SORCS3: variants seen among roughly 807,000 people sequenced by gnomAD.
The protein encoded by SORCS3 is VPS10 domain-containing receptor SorCS3.
A neutral mutation model predicts 146.3 loss-of-function variants in SORCS3; 57 were observed. That is an observed-to-expected ratio of 0.39 (90% CI 0.31 to 0.49). The LOEUF (loss-of-function observed/expected upper bound fraction) is 0.49, where lower values mean the gene tolerates loss of function less well. Ranked by LOEUF, SORCS3 falls within the 20% of genes least tolerant of loss-of-function variation. The pLI, the probability that SORCS3 is intolerant of heterozygous loss-of-function variation, is 0.92. For missense variants in SORCS3, 1,341 were observed against 1,575.5 expected (o/e 0.85, Z 2.52); for synonymous variants, 653 against 618.5 (o/e 1.06, Z -0.83).
chr10:104,780,930 C>T (rs974914599), intron 1 of SORCS3, among the ~76,000 whole-genome samples: 2 of 152,192 alleles, frequency 1.3e-5, no homozygotes, highest in Admixed American at 1.3e-4. Flanking sequence ...GTTATTATTA[C>T]TATTTCCAGC....
At chr10:105,058,660 A>C (rs2133716158) in intron 5 of SORCS3, among the ~76,000 whole-genome samples, 1 of 152,256 alleles carries the variant, frequency 6.6e-6, no homozygotes, top group Admixed American at 6.5e-5. Context: ...TCTGGTTGCT[A>C]ATTCTACTCC....
intron 7 of SORCS3, among the ~76,000 whole-genome samples, chr10:105,115,190 G>A (rs1032513437): frequency 3.3e-5 from 5 of 152,100 alleles, no homozygotes; most frequent in African/African-American, 7.2e-5. Context: ...CAGGAAATAC[G>A]ACACAAGTCA....
rs1052930966 is a variant in SORCS3 at position 104,906,041 on chromosome 10, G to A, written c.696-9792G>A. 4.6e-5 allele frequency among the ~76,000 whole-genome samples: 7 copies of A among 152,144 alleles called. No individual in the cohort carries two copies. The East Asian group carries it at 7.7e-4, about 17-fold the overall frequency. ...ATTTATTCATGTTCCTTCATTGGGC[G>A]GCTGCACATTTTATCCTGGAGGTTT... On this transcript the variant is annotated intron_variant, in intron 2 of 26. Coordinates refer to ENST00000369701, the MANE Select transcript of SORCS3 (RefSeq NM_014978.3).
At chr10:104,986,482 A>G (rs1434026539) in intron 4 of SORCS3, among the ~76,000 whole-genome samples, 2 of 152,190 alleles carry the variant, frequency 1.3e-5, no homozygotes, top group Non-Finnish European at 2.9e-5. Context: ...TAGGACTTGT[A>G]ATTTCCTTCA....
intron 1 of SORCS3, among the ~76,000 whole-genome samples, chr10:104,824,321 C>T (rs183735756): frequency 2.6e-3 from 396 of 152,332 alleles, no homozygotes; most frequent in Non-Finnish European, 4.6e-3. Flanking sequence ...TAGAGTGTCT[C>T]CAACCTAGTG....
chr10:104,677,915 T>C (rs999749916), intron 1 of SORCS3, among the ~76,000 whole-genome samples: 1 of 152,178 alleles, frequency 6.6e-6, no homozygotes, highest in Admixed American at 6.5e-5. Context: ...ATCTCATTAT[T>C]ACATTTAAAA....
chr10:104,791,417 G>A (rs759065803), intron 1 of SORCS3, among the ~76,000 whole-genome samples: 8 of 152,270 alleles, frequency 5.3e-5, no homozygotes, highest in African/African-American at 1.7e-4. Flanking sequence ...GGAAGCTGTC[G>A]GGTTCAGCCT....
At chr10:105,222,434 G>A (rs776297824) in intron 19 of SORCS3, among the ~76,000 whole-genome samples, 3 of 152,064 alleles carry the variant, frequency 2.0e-5, no homozygotes, top group Non-Finnish European at 4.4e-5. Context: ...ATTGCCTAGG[G>A]TGTGTTCATG....
intron 3 of SORCS3, among the ~76,000 whole-genome samples, chr10:104,970,393 C>T (rs1293562378): frequency 5.3e-5 from 8 of 152,108 alleles, no homozygotes; most frequent in African/African-American, 1.4e-4. Context: ...GTGATTCACC[C>T]GCCTCGGCCT....
intron 1 of SORCS3, among the ~76,000 whole-genome samples, chr10:104,727,556 T>C (rs927699327): frequency 2.0e-5 from 3 of 151,330 alleles, no homozygotes; most frequent in Non-Finnish European, 4.4e-5. Context: ...TATATATATA[T>C]ATATATATAA....
intron 9 of SORCS3, among the ~76,000 whole-genome samples, chr10:105,155,253 C>T (rs1372801868): frequency 6.6e-6 from 1 of 152,170 alleles, no homozygotes; most frequent in Non-Finnish European, 1.5e-5. Context: ...CAAGAGGTTG[C>T]TGAGTGGCTG....
chr10:105,262,226 C>T (rs936630006), intron 25 of SORCS3, 105 bp from the exon 26 acceptor site: 2 of 1,029,280 alleles, frequency 1.9e-6, no homozygotes, highest in African/African-American at 1.6e-5. Flanking sequence ...GACATGGACC[C>T]TTCCTATTAA....
chr10:104,807,465 T>C lies in SORCS3; in HGVS notation c.628-35327T>C, dbSNP rs565026979. The stretch of plus-strand genomic sequence containing the variant: ...TTAAGAGTTCTTAAAACCTCTAAAT[T>C]TAAGACAAACATGAACTATCAGGGC... On this transcript the variant is annotated intron_variant, in intron 1 of 26. Coordinates refer to ENST00000369701, the MANE Select transcript of SORCS3 (RefSeq NM_014978.3). Among the ~76,000 whole-genome samples the C allele has an allele frequency of 3.3e-5, 5 of 152,258 alleles. No homozygotes were observed. The South Asian group carries it at 1.0e-3, about 32-fold the overall frequency.
intron 13 of SORCS3, among the ~76,000 whole-genome samples, chr10:105,170,603 G>A (rs2056351465): frequency 6.6e-6 from 1 of 152,156 alleles, no homozygotes; most frequent in Non-Finnish European, 1.5e-5. Context: ...TGCTACAAAT[G>A]TTTTCTTGAA....
At chr10:104,784,005 G>T (rs1360710083) in intron 1 of SORCS3, among the ~76,000 whole-genome samples, 1 of 152,212 alleles carries the variant, frequency 6.6e-6, no homozygotes, top group African/African-American at 2.4e-5. Context: ...TCCTCTTGGA[G>T]ATTCACAATG....
chr10:105,005,553 A>G (rs1251723046), intron 4 of SORCS3, among the ~76,000 whole-genome samples: 2 of 152,166 alleles, frequency 1.3e-5, no homozygotes, highest in Non-Finnish European at 1.5e-5. Context: ...GAGGAATAAT[A>G]GCAGGGGTAG....
intron 7 of SORCS3, among the ~76,000 whole-genome samples, chr10:105,109,636 AT>A (rs1397455239): frequency 6.6e-6 from 1 of 152,106 alleles, no homozygotes; most frequent in Middle Eastern, 3.4e-3. Flanking sequence ...TTCCATGAGA[AT>A]TTTTACTCCA....
intron 3 of SORCS3, among the ~76,000 whole-genome samples, chr10:104,927,662 TGA>T (rs760837784): frequency 0.017 from 2,515 of 152,242 alleles, 30 homozygotes; most frequent in Admixed American, 0.033. Context: ...GTGGATCACC[TGA>T]GGTCAGGAGT....
chr10:105,068,305 C>G (rs1211433777), intron 5 of SORCS3, among the ~76,000 whole-genome samples: 1 of 152,206 alleles, frequency 6.6e-6, no homozygotes, highest in African/African-American at 2.4e-5. Flanking sequence ...TCCAGACTGC[C>G]TTTATTCACT....
Sources: allele counts gnomAD v4.1 joint callset (sites outside exome capture counted in the v4.1 genomes callset), GRCh38; gene constraint gnomAD v4.1.1; transcripts MANE v1.5; gene names NCBI Gene and HGNC (gene_info 2026-07-23, HGNC 2026-07-21).